The following L3MBTL4 variants were observed in gnomAD, a reference collection of about 807,000 sequenced individuals.
L3MBTL4 encodes lethal(3)malignant brain tumor-like protein 4.
L3MBTL4 carries 70 observed loss-of-function variants against 84.5 expected under a neutral mutation model. The ratio of observed to expected loss-of-function variants is 0.83; its 90% CI spans 0.68 to 1.01. The LOEUF is 1.01. Ranked by LOEUF, L3MBTL4 falls within the 50% of genes least tolerant of loss-of-function variation. The pLI, the probability that L3MBTL4 is intolerant of heterozygous loss-of-function variation, is 0.00. For missense variants in L3MBTL4, 715 were observed against 754.8 expected, an observed-to-expected ratio of 0.95 and a Z score of 0.62; for synonymous variants, 274 against 259.8, an observed-to-expected ratio of 1.05 and a Z score of -0.52.
intron 16 of L3MBTL4, among the ~76,000 whole-genome samples, chr18:6,067,476 G>T (rs2057440265): frequency 6.6e-6 from 1 of 152,050 alleles, no homozygotes; most frequent in South Asian, 2.1e-4. Context: ...CATATTTCTT[G>T]TACACTTTAT....
At chr18:6,277,200 G>C (rs1599450444) in intron 4 of L3MBTL4, among the ~76,000 whole-genome samples, 1 of 151,650 alleles carries the variant, frequency 6.6e-6, no homozygotes, top group Non-Finnish European at 1.5e-5. Flanking sequence ...TGACGAGTTA[G>C]TGGGTGCAGC....
At chr18:5,977,245 C>T (rs1000669505) in intron 16 of L3MBTL4, among the ~76,000 whole-genome samples, 1 of 152,244 alleles carries the variant, frequency 6.6e-6, no homozygotes, top group African/African-American at 2.4e-5. Context: ...CCAGCTCCTC[C>T]CTGCAAGCTG....
intron 1 of L3MBTL4, among the ~76,000 whole-genome samples, chr18:6,347,456 TA>T (rs1255447760): frequency 6.6e-6 from 1 of 151,798 alleles, no homozygotes; most frequent in Non-Finnish European, 1.5e-5. Context: ...CATAGTTGTA[TA>T]TATTCTCCAA....
intron 12 of L3MBTL4, among the ~76,000 whole-genome samples, chr18:6,192,891 A>T (rs1193687943): frequency 6.6e-6 from 1 of 152,098 alleles, no homozygotes; most frequent in Non-Finnish European, 1.5e-5. Flanking sequence ...TGATCCAATT[A>T]TATCTATTGT....
chr18:6,193,431 GTACAAATC>G (rs1487961595), intron 12 of L3MBTL4, among the ~76,000 whole-genome samples: 1 of 152,316 alleles, frequency 6.6e-6, no homozygotes, highest in East Asian at 1.9e-4. Flanking sequence ...GGAGCAAAGA[GTACAAATC>G]TCTCACCTCC....
At chr18:6,159,871 C>T (rs2043251038) in intron 13 of L3MBTL4, among the ~76,000 whole-genome samples, 1 of 152,214 alleles carries the variant, frequency 6.6e-6, no homozygotes, top group African/African-American at 2.4e-5. Context: ...ATTAGAAGCA[C>T]TGGGACATGT....
intron 16 of L3MBTL4, among the ~76,000 whole-genome samples, chr18:6,022,044 G>C (rs906665449): frequency 1.3e-5 from 2 of 152,084 alleles, no homozygotes; most frequent in Admixed American, 6.6e-5. Context: ...TCTGTACCCT[G>C]GGCCAATTTC....
chr18:6,326,825 C>T (rs776531641), intron 1 of L3MBTL4: 1 of 152,112 alleles, frequency 6.6e-6, no homozygotes, highest in African/African-American at 2.4e-5. Flanking sequence ...ATTCCAAGGG[C>T]GTCAGCAATA....
intron 16 of L3MBTL4, among the ~76,000 whole-genome samples, chr18:6,033,600 T>C (rs78004129): frequency 1.4e-3 from 211 of 152,320 alleles, no homozygotes; most frequent in Middle Eastern, 6.8e-3. Flanking sequence ...TTTCTTGTAA[T>C]TACAATTACA....
At chr18:6,274,813 C>G (rs1445899583) in intron 4 of L3MBTL4, among the ~76,000 whole-genome samples, 1 of 152,140 alleles carries the variant, frequency 6.6e-6, no homozygotes, top group Non-Finnish European at 1.5e-5. Context: ...TTTGAGATAG[C>G]TCTCCCTTTC....
At chr18:6,293,336 A>T (rs1261940963) in intron 4 of L3MBTL4, among the ~76,000 whole-genome samples, 1 of 152,176 alleles carries the variant, frequency 6.6e-6, no homozygotes, top group Non-Finnish European at 1.5e-5. Context: ...AGTTCAAGAT[A>T]AGCCTAAAAC....
At chr18:5,983,936 G>A (rs1460413503) in intron 16 of L3MBTL4, among the ~76,000 whole-genome samples, 1 of 152,014 alleles carries the variant, frequency 6.6e-6, no homozygotes, top group African/African-American at 2.4e-5. Context: ...TTTTGAGATG[G>A]AGTCTTCCTC....
At chr18:5,978,109 G>C (rs2053034643) in intron 16 of L3MBTL4, among the ~76,000 whole-genome samples, 1 of 152,182 alleles carries the variant, frequency 6.6e-6, no homozygotes. Flanking sequence ...GATAGATAAG[G>C]CAGTGGCAAA....
intron 4 of L3MBTL4, among the ~76,000 whole-genome samples, chr18:6,291,253 A>C (rs541267637): frequency 1.3e-5 from 2 of 152,326 alleles, no homozygotes; most frequent in East Asian, 3.9e-4. Context: ...AAATCCTTTC[A>C]GTTCATCTAG....
chr18:6,235,216 G>A (rs1430814072), intron 10 of L3MBTL4, among the ~76,000 whole-genome samples: 1 of 152,126 alleles, frequency 6.6e-6, no homozygotes, highest in African/African-American at 2.4e-5. Context: ...AATACCTAAT[G>A]TAAATGACGA....
chr18:6,396,767 A>G (rs1467812659), intron 1 of L3MBTL4: 1 of 152,220 alleles, frequency 6.6e-6, no homozygotes, highest in Non-Finnish European at 1.5e-5. Context: ...TCACTTTCTG[A>G]CAGTTACTTA....
intron 14 of L3MBTL4, among the ~76,000 whole-genome samples, chr18:6,131,079 C>A (rs2059862472): frequency 6.6e-6 from 1 of 152,182 alleles, no homozygotes; most frequent in Admixed American, 6.5e-5. Flanking sequence ...ATTTTGATGT[C>A]ATCGTTCTCT....
In L3MBTL4 at chr18:6,239,808, G is replaced by A. The variant is rs1191293851; in HGVS notation, c.617C>T (p.Pro206Leu). Residue 206 changes from proline (P) to leucine (L), a missense_variant, in exon 9 of 19, where the codon CCT (proline) becomes CTT (leucine). Physicochemically the swap from Pro to Leu is moderately conservative, Grantham distance 98. Transcript: ENST00000317931. ...TATGGTCGCCACACACACCAAGGAA[G>A]GGTTCTTCCTGTCCACGGCCTCCAG... ...MKLEAVDRKN[P>L]SLVCVATIAD... is the part of the protein sequence containing the mutation. 1.2e-6 allele frequency: 2 copies of A among 1,614,146 alleles called. No individual in the cohort carries two copies. The highest frequency in any genetic ancestry group is 1.7e-5 in the Admixed American group (1 of 60,022).
chr18:6,365,615 A>G (rs341184), intron 1 of L3MBTL4, among the ~76,000 whole-genome samples: 92,938 of 152,018 alleles, frequency 0.61, 29,041 homozygotes, highest in African/African-American at 0.76. Context: ...TCCAGATAAG[A>G]AAAACAATAC....
Sources: gnomAD v4.1 joint callset for allele counts (sites outside exome capture counted in the v4.1 genomes callset) on GRCh38, gnomAD v4.1.1 for gene constraint, MANE v1.5 for transcripts, NCBI Gene and HGNC (gene_info 2026-07-23, HGNC 2026-07-21) for gene names.